The following MLLT3 variants were observed in gnomAD, a reference collection of about 807,000 sequenced individuals.
MLLT3 encodes the protein MLLT3 super elongation complex subunit, also known as protein AF-9.
MLLT3 carries 4 observed loss-of-function variants against 53.2 expected under a neutral mutation model. That is an observed-to-expected ratio of 0.08 (90% confidence interval 0.04 to 0.17). MLLT3 has a LOEUF of 0.17. Among genes scored for constraint, MLLT3 ranks in the 10% least tolerant of loss-of-function variants. The pLI is 1.00. For synonymous variants in MLLT3, 283 were observed against 230.6 expected (o/e 1.23, Z -2.06); for missense variants, 569 against 684.0 (o/e 0.83, Z 1.87).
chr9:20,463,497 A>C (rs1824162840), intron 2 of MLLT3, among the ~76,000 whole-genome samples: 1 of 152,146 alleles, frequency 6.6e-6, no homozygotes, highest in South Asian at 2.1e-4. Context: ...AAGTTTCCCA[A>C]AACTAGGTAA....
chr9:20,566,066 T>A (rs1479151517), intron 2 of MLLT3, among the ~76,000 whole-genome samples: 1 of 66,318 alleles, frequency 1.5e-5, no homozygotes, highest in Admixed American at 2.5e-4. Flanking sequence ...ATATATATAT[T>A]TGTGTATATA....
chr9:20,381,598 T>C (rs1327580012), intron 5 of MLLT3, among the ~76,000 whole-genome samples: 2 of 151,940 alleles, frequency 1.3e-5, no homozygotes, highest in African/African-American at 4.8e-5. Flanking sequence ...AAAAATGAAA[T>C]ACATGTACTT....
rs939224810 is a variant in MLLT3 at position 20,621,463 on chromosome 9, C to G, written c.13-629G>C. Among the ~76,000 whole-genome samples, 12 of 152,156 alleles carry G rather than the reference C, an allele frequency of 7.9e-5. No homozygotes were observed. Among genetic ancestry groups the G allele is most frequent in the African/African-American group, 2.2e-4 (9 of 41,432 alleles). On this transcript the variant is annotated intron_variant, in intron 1 of 10. Coordinates refer to ENST00000380338, the MANE Select transcript of MLLT3 (RefSeq NM_004529.4). This position sits in a 1 kb window ranked among gnomAD's most constrained non-coding sequence, Gnocchi z 7.0. ...ATACACACTGAAACACACACACACGCCCGCAGGAAAACACGCCGAGGCATC... is the reference window on the plus strand; with the variant it reads ...ATACACACTGAAACACACACACACGGCCGCAGGAAAACACGCCGAGGCATC...
chr9:20,467,631 T>C (rs976100990), intron 2 of MLLT3, among the ~76,000 whole-genome samples: 5 of 152,126 alleles, frequency 3.3e-5, no homozygotes, highest in Admixed American at 2.0e-4. Context: ...TTTAATCTTA[T>C]TTAGGAGTAA....
intron 2 of MLLT3, among the ~76,000 whole-genome samples, chr9:20,582,569 G>C (rs1819822505): frequency 6.6e-6 from 1 of 152,128 alleles, no homozygotes; most frequent in Non-Finnish European, 1.5e-5. Context: ...TGCTGATAAA[G>C]ACATACCCAT....
intron 2 of MLLT3, among the ~76,000 whole-genome samples, chr9:20,511,623 A>C (rs563438413): frequency 6.6e-6 from 1 of 152,340 alleles, no homozygotes; most frequent in South Asian, 2.1e-4. Flanking sequence ...TTCATGGCCT[A>C]TGACAGAGCC....
Position 20,414,345 on chromosome 9 carries a change from A to ACTGCTG in MLLT3, c.495_500dup (p.Ser189_Ser190dup), listed in dbSNP as rs749239229. On this transcript the variant is annotated inframe_insertion, in exon 5 of 11. Transcript: ENST00000380338. Reference sequence around the variant, plus strand: ...TGCTGCTGCTGCTGCTGCTGCTGCTACTGCTGCTGCTGCTGCTGCTGCTGC... The same window carrying ACTGCTG: ...TGCTGCTGCTGCTGCTGCTGCTGCTACTGCTGCTGCTGCTGCTGCTGCTGCTGCTGC... The ACTGCTG allele has an allele frequency of 1.5e-4, 229 of 1,493,414 alleles. No homozygotes were observed. The highest frequency in any genetic ancestry group is 5.7e-4 in the Admixed American group (32 of 56,266). 92.5% of individuals were successfully genotyped at this position (1,493,414 alleles called of 1,614,324 possible). A position where few individuals can be genotyped will look rare whatever the true frequency, so the allele number is the denominator to read the frequency against.
At position 20,473,018 on chromosome 9, in the gene MLLT3, A is replaced by G. The variant is rs551302492; in HGVS notation, c.194-16232T>C. 9.9e-5 allele frequency among the ~76,000 whole-genome samples: 15 copies of G among 152,234 alleles called. No homozygotes were observed. The East Asian group carries it at 2.9e-3, about 29-fold the overall frequency. On this transcript the variant is annotated intron_variant, in intron 2 of 10. Transcript: ENST00000380338. The stretch of plus-strand genomic sequence containing the variant: ...ACCAGCATCACCTGAAAGACTTTTT[A>G]GAAATACCAGTTTTTGGTCTCTACT...
chr9:20,423,193 T>C (rs962000812), intron 4 of MLLT3, among the ~76,000 whole-genome samples: 10 of 152,102 alleles, frequency 6.6e-5, no homozygotes, highest in African/African-American at 2.2e-4. Flanking sequence ...ACCACCACTA[T>C]ATTTTTATAG....
At chr9:20,576,379 T>C (rs1036823673) in intron 2 of MLLT3, among the ~76,000 whole-genome samples, 11 of 152,226 alleles carry the variant, frequency 7.2e-5, no homozygotes, top group Non-Finnish European at 1.3e-4. Context: ...ACTTTTCCTG[T>C]GCATTCTTAA....
chr9:20,490,736 G>C (rs939661714), intron 2 of MLLT3, among the ~76,000 whole-genome samples: 2 of 152,182 alleles, frequency 1.3e-5, no homozygotes, highest in African/African-American at 4.8e-5. Context: ...AAATTAATGC[G>C]AGAACTTACC....
chr9:20,485,662 C>T (rs999960096), intron 2 of MLLT3, among the ~76,000 whole-genome samples: 2 of 152,056 alleles, frequency 1.3e-5, no homozygotes, highest in Non-Finnish European at 2.9e-5. Context: ...AATACATTGG[C>T]AAGTTTTTTT....
rs572968762 is a variant in MLLT3 at position 20,622,299 on chromosome 9, C to T, written c.-43G>A. ...TTTGCTGGGGTGTTGTGTGGTACCC[C>T]CCCCTCCTCCGCCCCCCCTCAGCTG... On this transcript the variant is annotated 5_prime_UTR_variant, in exon 1 of 11. Transcript: ENST00000380338. 4 of 1,509,520 alleles carry T rather than the reference C, an allele frequency of 2.6e-6. No individual in the cohort carries two copies. The highest frequency in any genetic ancestry group is 2.5e-5 in the East Asian group (1 of 40,154). The allele number at this position is 1,509,520 out of a possible 1,614,324, so 93.5% of individuals were successfully genotyped here. A position where few individuals can be genotyped will look rare whatever the true frequency, so the allele number is the denominator to read the frequency against.
At chr9:20,356,786 A>G (rs1245092409) in intron 8 of MLLT3, among the ~76,000 whole-genome samples, 1 of 152,184 alleles carries the variant, frequency 6.6e-6, no homozygotes, top group Non-Finnish European at 1.5e-5. Context: ...TGGACGCTGA[A>G]GTCCCACCCC....
chr9:20,359,060 G>A (rs1051339250), intron 8 of MLLT3, among the ~76,000 whole-genome samples: 2 of 144,450 alleles, frequency 1.4e-5, no homozygotes. Context: ...CAGGAGAATC[G>A]CTTGAACCCA....
chr9:20,527,261 G>T (rs6475454), intron 2 of MLLT3, among the ~76,000 whole-genome samples: 65,564 of 151,910 alleles, frequency 0.43, 14,567 homozygotes, highest in South Asian at 0.52. Context: ...TTATCAGGTA[G>T]AACAATATGC....
chr9:20,349,707 A>G (rs1393924409), intron 10 of MLLT3, among the ~76,000 whole-genome samples: 1 of 152,228 alleles, frequency 6.6e-6, no homozygotes, highest in Non-Finnish European at 1.5e-5. Flanking sequence ...TAGAAACGTC[A>G]GCCCGGGCAT....
At chr9:20,460,224 A>T (rs1407328263) in intron 2 of MLLT3, among the ~76,000 whole-genome samples, 1 of 152,196 alleles carries the variant, frequency 6.6e-6, no homozygotes, top group Non-Finnish European at 1.5e-5. Context: ...TATGATAGCT[A>T]AGCATTCTAA....
intron 2 of MLLT3, among the ~76,000 whole-genome samples, chr9:20,605,382 ATATT>A (rs1164640364): frequency 3.9e-5 from 6 of 152,062 alleles, no homozygotes; most frequent in Non-Finnish European, 8.8e-5. Context: ...GGACTTATAA[ATATT>A]TATTTATTTA....
Sources: allele counts gnomAD v4.1 joint callset (sites outside exome capture counted in the v4.1 genomes callset), GRCh38; gene constraint gnomAD v4.1.1; non-coding constraint Gnocchi (gnomAD v3.1); transcripts MANE v1.5; gene names NCBI Gene and HGNC (gene_info 2026-07-23, HGNC 2026-07-21).